The following SMIM3 variants were observed in gnomAD, a reference collection of about 807,000 sequenced individuals.
SMIM3 encodes NGF-induced differentiation clone 67 protein.
A neutral mutation model predicts 2.1 loss-of-function variants in SMIM3; 4 were observed. The ratio of observed to expected loss-of-function variants is 1.89; its 90% CI spans 0.93 to 4.31. The LOEUF (loss-of-function observed/expected upper bound fraction) is 4.31. Ranked by LOEUF, SMIM3 falls within the 30% of genes most tolerant of loss-of-function variation. SMIM3 has a pLI of 0.01. For missense variants in SMIM3, 79 were observed against 77.7 expected (o/e 1.02, Z -0.06); for synonymous variants, 29 against 30.8 (o/e 0.94, Z 0.19).
intron 1 of SMIM3, among the ~76,000 whole-genome samples, chr5:150,781,648 G>T (rs879909815): frequency 6.6e-6 from 1 of 152,158 alleles, no homozygotes. Flanking sequence ...GGTGGTGGTG[G>T]TGGGCATTAT....
intron 1 of SMIM3, among the ~76,000 whole-genome samples, chr5:150,784,107 C>A (rs1204027367): frequency 3.3e-5 from 5 of 151,792 alleles, no homozygotes; most frequent in Non-Finnish European, 7.4e-5. Flanking sequence ...TTAGTAGAGG[C>A]AGGGTTTTAC....
chr5:150,779,311 G>A (rs1753207738), intron 1 of SMIM3, among the ~76,000 whole-genome samples: 1 of 152,086 alleles, frequency 6.6e-6, no homozygotes, highest in Non-Finnish European at 1.5e-5. Flanking sequence ...CTCCTCCTCG[G>A]GCAGACTGCC....
chr5:150,784,765 T>C (rs1294834672), intron 1 of SMIM3, among the ~76,000 whole-genome samples: 1 of 152,198 alleles, frequency 6.6e-6, no homozygotes, highest in African/African-American at 2.4e-5. Context: ...ACCCTAACGG[T>C]CCTTGTTAGT....
chr5:150,793,699 G>A (rs6893508), intron 1 of SMIM3, among the ~76,000 whole-genome samples: 8,914 of 152,206 alleles, frequency 0.059, 865 homozygotes, highest in African/African-American at 0.2. Context: ...TTAACTCTAT[G>A]ACCTGAAACT....
intron 1 of SMIM3, among the ~76,000 whole-genome samples, chr5:150,788,653 A>G (rs2113203915): frequency 6.6e-6 from 1 of 152,124 alleles, no homozygotes; most frequent in African/African-American, 2.4e-5. Context: ...AAAAAAAGAA[A>G]AAAAAGAAAA....
chr5:150,785,169 C>T (rs1256683576), intron 1 of SMIM3, among the ~76,000 whole-genome samples: 1 of 146,596 alleles, frequency 6.8e-6, no homozygotes, highest in Non-Finnish European at 1.5e-5. Flanking sequence ...TTCACTGCAA[C>T]CTCTGCCTCC....
At chr5:150,792,322 A>G (rs1005022270) in intron 1 of SMIM3, among the ~76,000 whole-genome samples, 1 of 152,218 alleles carries the variant, frequency 6.6e-6, no homozygotes, top group African/African-American at 2.4e-5. Flanking sequence ...TATTATATCG[A>G]TGGTTCCCAA....
At chr5:150,789,498 C>A (rs752676958) in intron 1 of SMIM3, among the ~76,000 whole-genome samples, 2 of 152,068 alleles carry the variant, frequency 1.3e-5, no homozygotes, top group Admixed American at 6.5e-5. Context: ...CCTCTGACAC[C>A]CGACTACTTC....
At chr5:150,790,737 CTGGACAA>C (rs1753341411) in intron 1 of SMIM3, among the ~76,000 whole-genome samples, 1 of 152,104 alleles carries the variant, frequency 6.6e-6, no homozygotes, top group African/African-American at 2.4e-5. Flanking sequence ...TTGGAATCAC[CTGGACAA>C]TGGGAAAAAA....
rs549151007 is a variant in SMIM3 at position 150,792,390 on chromosome 5, T to A, written c.-11-3040T>A. Among the ~76,000 whole-genome samples the A allele has an allele frequency of 2.0e-5, 3 of 152,344 alleles. No homozygotes were observed. The South Asian group carries it at 6.2e-4, about 32-fold the overall frequency. ...GAACTCACTAGAAGGAGGGGAGTGC[T>A]GCAGGATGTTTAAGATTTTTGACAG... On this transcript the variant is annotated intron_variant, in intron 1 of 1. Transcript: ENST00000526627.
chr5:150,795,474 G>A lies in SMIM3; in HGVS notation c.34G>A (p.Val12Met), dbSNP rs570998197. ...DAVSQVPMEV[V>M]LPKHILDIWV... ...AGTCAGCCAAGTCCCCATGGAAGTC[G>A]TGCTTCCCAAGCACATCCTGGATAT... Residue 12 changes from valine to methionine, a missense_variant, in exon 2 of 2, where the codon GTG (valine) becomes ATG (methionine). Val to Met is a conservative substitution (Grantham distance 21). Transcript: ENST00000526627. 119 of 1,613,982 alleles carry A rather than the reference G, an allele frequency of 7.4e-5. 1 individual carries two copies. In the South Asian group the frequency reaches 1.1e-3, roughly 15 times the overall value.
At chr5:150,790,733 T>A (rs1481260086) in intron 1 of SMIM3, among the ~76,000 whole-genome samples, 2 of 152,154 alleles carry the variant, frequency 1.3e-5, no homozygotes. Context: ...CACGTTGGAA[T>A]CACCTGGACA....
chr5:150,796,096 GC>G lies in SMIM3; in HGVS notation c.*476del, dbSNP rs1753402059. 6.3e-6 allele frequency: 1 copy of G among 158,344 alleles called. No homozygotes were observed. The highest frequency in any genetic ancestry group is 1.9e-4 in the South Asian group (1 of 5,286). The allele number at this position is 158,344 out of a possible 1,614,324, so 9.8% of individuals were successfully genotyped here. On this transcript the variant is annotated 3_prime_UTR_variant, in exon 2 of 2. Transcript: ENST00000526627. ...ATTCCAAGGGGCCAGCAGCACTTTG[GC>G]CCAAAGTATTTTCTTTAAGGTGCCA...
chr5:150,780,991 A>G (rs1266907230), intron 1 of SMIM3, among the ~76,000 whole-genome samples: 2 of 152,238 alleles, frequency 1.3e-5, no homozygotes, highest in East Asian at 1.9e-4. Context: ...AGTACTTACT[A>G]TAAGCTAGGC....
rs1203841483 is a variant in SMIM3, at chr5:150,795,713, T to TG, written c.*94dup. On this transcript the variant is annotated 3_prime_UTR_variant, in exon 2 of 2. Coordinates refer to ENST00000526627, the MANE Select transcript of SMIM3 (RefSeq NM_032947.5). ...TTCAGAAAAGCAGCAGGAGGGACTT[T>TG]GGGGCATGGACCTGAGTTCTGGTTT... 5.0e-6 allele frequency: 7 copies of TG among 1,400,720 alleles called. No individual in the cohort carries two copies. The East Asian group carries it at 1.5e-4, about 30-fold the overall frequency. The allele number at this position is 1,400,720 out of a possible 1,614,324, so 86.8% of individuals were successfully genotyped here.
At chr5:150,784,209 CTG>C (rs1753267793) in intron 1 of SMIM3, among the ~76,000 whole-genome samples, 1 of 152,144 alleles carries the variant, frequency 6.6e-6, no homozygotes, top group African/African-American at 2.4e-5. Flanking sequence ...GAAGCCCTTA[CTG>C]TGTACCAGAC....
At chr5:150,782,239 TC>T (rs1753243452) in intron 1 of SMIM3, among the ~76,000 whole-genome samples, 1 of 152,146 alleles carries the variant, frequency 6.6e-6, no homozygotes. Flanking sequence ...GGACCAAAGG[TC>T]CCTGGTGAAA....
chr5:150,786,523 G>A (rs1753295353), intron 1 of SMIM3, among the ~76,000 whole-genome samples: 1 of 152,154 alleles, frequency 6.6e-6, no homozygotes, highest in Non-Finnish European at 1.5e-5. Context: ...CTGAGCTCAA[G>A]TGATCCACCT....
chr5:150,782,200 G>A (rs908730364), intron 1 of SMIM3, among the ~76,000 whole-genome samples: 2 of 152,196 alleles, frequency 1.3e-5, no homozygotes, highest in Non-Finnish European at 2.9e-5. Context: ...TGTATGTCCT[G>A]TCCATTCCTT....
Sources: allele counts gnomAD v4.1 joint callset (sites outside exome capture counted in the v4.1 genomes callset), GRCh38; gene constraint gnomAD v4.1.1; transcripts MANE v1.5; gene names NCBI Gene and HGNC (gene_info 2026-07-23, HGNC 2026-07-21).